The following ESPN variants were observed in gnomAD, a reference collection of about 807,000 sequenced individuals.
ESPN encodes the protein espin, also known as autosomal recessive deafness type 36 protein.
In ESPN, 68 loss-of-function variants were observed where a neutral mutation model predicts 77.7. The ratio of observed to expected loss-of-function variants is 0.87; its 90% CI spans 0.72 to 1.07. ESPN has a LOEUF of 1.07. Ranked by LOEUF, ESPN falls within the 50% of genes least tolerant of loss-of-function variation. The pLI is 0.00. For synonymous variants in ESPN, 449 were observed against 567.1 expected, an observed-to-expected ratio of 0.79 and a Z score of 2.96; for missense variants, 1,060 against 1,239.0, an observed-to-expected ratio of 0.86 and a Z score of 2.17.
chr1:6,436,059 A>G (rs1274583255), intron 2 of ESPN, among the ~76,000 whole-genome samples: 2 of 152,180 alleles, frequency 1.3e-5, no homozygotes, highest in African/African-American at 4.8e-5. Flanking sequence ...GCTGTGCCCC[A>G]GCAGCTGGCA....
intron 1 of ESPN, among the ~76,000 whole-genome samples, chr1:6,426,841 C>G (rs765089632): frequency 6.6e-6 from 1 of 152,086 alleles, no homozygotes; most frequent in Non-Finnish European, 1.5e-5. Flanking sequence ...CTCTGGCCCC[C>G]CCACTCCCAG....
At chr1:6,448,205 C>T (rs1227246197) in intron 7 of ESPN, 4 of 154,268 alleles carry the variant, frequency 2.6e-5, no homozygotes, top group Non-Finnish European at 4.3e-5. Flanking sequence ...TCCCTCCGGC[C>T]CCGGACCCCC....
At chr1:6,449,127 C>A in intron 8 of ESPN, 36 bp downstream of exon 8, 1 of 1,443,464 alleles carries the variant, frequency 6.9e-7, no homozygotes, top group Non-Finnish European at 9.1e-7. Context: ...TGGGGCGGCG[C>A]TAGCCCTGAA....
Position 6,460,369 on chromosome 1 carries a change from C to T in ESPN, c.*223C>T. On this transcript the variant is annotated 3_prime_UTR_variant, in exon 13 of 13. Transcript: ENST00000645284. ...CCAGAAAAAGTGCCCAAGCTGCTGA[C>T]GCAAACAACAACAAATGCTGCTTAT... 2 of 582,952 alleles carry T rather than the reference C, an allele frequency of 3.4e-6. No homozygotes were observed. Among genetic ancestry groups the T allele is most frequent in the South Asian group, 2.2e-5 (1 of 45,546 alleles). The allele number at this position is 582,952 out of a possible 1,614,324, so 36.1% of individuals were successfully genotyped here.
Position 6,427,136 on chromosome 1 carries a change from G to A in ESPN, c.295-1090G>A, listed in dbSNP as rs936415691. On this transcript the variant is annotated intron_variant, in intron 1 of 12. Transcript: ENST00000645284. The surrounding 1 kb of genome is among the most constrained non-coding windows in gnomAD (Gnocchi z 4.6). ...CAGCTCCTGCCGCCTCTGCCAGTCT[G>A]TAACCACAGTGCCCTCTCTCTGGGC... 6.6e-6 allele frequency among the ~76,000 whole-genome samples: 1 copy of A among 152,094 alleles called. No homozygotes were observed. Among genetic ancestry groups the A allele is most frequent in the Non-Finnish European group, 1.5e-5 (1 of 68,020 alleles).
Position 6,428,525 on chromosome 1 carries a change from C to T in ESPN, c.488+106C>T. 1.0e-6 allele frequency: 1 copy of T among 996,996 alleles called. No individual in the cohort carries two copies. Among genetic ancestry groups the T allele is most frequent in the South Asian group, 1.7e-5 (1 of 60,528 alleles). 61.8% of individuals were successfully genotyped at this position (996,996 alleles called of 1,614,324 possible). On this transcript the variant is annotated intron_variant, in intron 2 of 12. Transcript: ENST00000645284. This position sits in a 1 kb window ranked among gnomAD's most constrained non-coding sequence, Gnocchi z 5.4. ...CTGGCACTCCAGGGCAATGATCCCT[C>T]CAGTGGCCATCCTGGGGCCAGAGGG... is the stretch of plus-strand genomic sequence containing the variant.
At chr1:6,452,224 A>G in intron 10 of ESPN, 128 bp downstream of exon 10, 4 of 1,164,212 alleles carry the variant, frequency 3.4e-6, no homozygotes, top group Non-Finnish European at 3.5e-6. Context: ...TCTTTTCTTG[A>G]GACAGAGTCT....
In ESPN at chr1:6,450,348, T is replaced by TCTCCCTGGCCCG. The variant is rs1643923077; in HGVS notation, c.1916-1247_1916-1236dup. 3.7e-6 allele frequency: 1 copy of TCTCCCTGGCCCG among 270,222 alleles called. No homozygotes were observed. The highest frequency in any genetic ancestry group is 5.7e-6 in the Non-Finnish European group (1 of 176,044). 16.7% of individuals were successfully genotyped at this position (270,222 alleles called of 1,614,324 possible). On this transcript the variant is annotated intron_variant, in intron 8 of 12. Transcript: ENST00000645284. This position sits in a 1 kb window ranked among gnomAD's most constrained non-coding sequence, Gnocchi z 4.3. ...TCTTCTCCACTTCCCCCCCGCCCGC[T>TCTCCCTGGCCCG]CTCCCTGGCCCGCTCCCTGTCCCCT...
At chr1:6,457,477 C>T in intron 12 of ESPN, 105 bp downstream of exon 12, 1 of 1,383,536 alleles carries the variant, frequency 7.2e-7, no homozygotes, top group East Asian at 2.3e-5. Flanking sequence ...TGTCTCTTGG[C>T]CCTTGTAGCA....
chr1:6,441,997 A>C (rs1305868944), intron 5 of ESPN, among the ~76,000 whole-genome samples: 1 of 152,218 alleles, frequency 6.6e-6, no homozygotes, highest in Middle Eastern at 3.2e-3. Flanking sequence ...TGAATGGCCC[A>C]GCAGGTAGTG....
At chr1:6,454,507 G>T in intron 10 of ESPN, 1 of 399,004 alleles carries the variant, frequency 2.5e-6, no homozygotes, top group Non-Finnish European at 4.4e-6. Context: ...GCCATCCTCG[G>T]GCCCTTTGGC....
chr1:6,455,707 G>T, intron 10 of ESPN: 1 of 399,098 alleles, frequency 2.5e-6, no homozygotes. Flanking sequence ...CGCAAGTTCC[G>T]CCACCTACTG....
intron 12 of ESPN, 91 bp from the exon 13 acceptor site, chr1:6,459,908 C>T: frequency 1.3e-6 from 2 of 1,542,854 alleles, no homozygotes; most frequent in East Asian, 2.3e-5. Context: ...GGTGACCTGG[C>T]CTCTGCCTGG....
At chr1:6,433,021 C>T (rs1347508288) in intron 2 of ESPN, among the ~76,000 whole-genome samples, 2 of 152,070 alleles carry the variant, frequency 1.3e-5, no homozygotes, top group Non-Finnish European at 2.9e-5. Flanking sequence ...ACTCGGGAGG[C>T]TGAGGCAGGA....
intron 8 of ESPN, among the ~76,000 whole-genome samples, chr1:6,449,705 G>A (rs561530276): frequency 6.6e-6 from 1 of 152,324 alleles, no homozygotes; most frequent in Non-Finnish European, 1.5e-5. Context: ...GACCCACCGT[G>A]TTTCCCCCTC....
chr1:6,440,366 G>A lies in ESPN; in HGVS notation c.601G>A (p.Ala201Thr). ...LVQECGADPH[A>T]RAHDGMTPLH... ...GCAGGAATGCGGCGCAGACCCGCAC[G>A]CGCGCGCCCACGACGGCATGACCCC... is the stretch of plus-strand genomic sequence containing the variant. Residue 201 changes from alanine to threonine, a missense_variant, in exon 3 of 13, where the codon GCG (alanine) becomes ACG (threonine). This residue lies in a region of ESPN where 556 missense variants were observed against 633.6 expected (regional missense o/e 0.88). Transcript: ENST00000645284. 1.3e-6 allele frequency: 2 copies of A among 1,587,106 alleles called. No homozygotes were observed. Among genetic ancestry groups the A allele is most frequent in the Non-Finnish European group, 1.7e-6 (2 of 1,167,520 alleles).
intron 12 of ESPN, among the ~76,000 whole-genome samples, chr1:6,458,007 C>CGA (rs1163849454): frequency 1.7e-5 from 2 of 116,562 alleles, no homozygotes; most frequent in Non-Finnish European, 3.4e-5. Context: ...CCTCATTCTG[C>CGA]GAAAAAAAAA....
chr1:6,444,415 C>A, intron 5 of ESPN, 66 bp from the exon 6 acceptor site: 2 of 1,536,160 alleles, frequency 1.3e-6, no homozygotes, highest in Non-Finnish European at 1.8e-6. Flanking sequence ...TGAGTAGGAC[C>A]CTGGCCTGGA....
rs148975469 is a variant in ESPN, at chr1:6,457,357, C to T, written c.2406-4C>T. 1.4e-4 allele frequency: 219 copies of T among 1,614,178 alleles called. No homozygotes were observed. Among genetic ancestry groups the T allele is most frequent in the Non-Finnish European group, 1.7e-4 (203 of 1,180,022 alleles). ...CAAGTGACACTGTCTCTTTTTCCTT[C>T]CAGGGAGCAGAAGCGGTGAGTGCAG... On this transcript the variant is annotated splice_polypyrimidine_tract_variant and splice_region_variant and intron_variant, in intron 11 of 12. Coordinates refer to ENST00000645284, the MANE Select transcript of ESPN (RefSeq NM_031475.3).
Sources: allele counts gnomAD v4.1 joint callset (sites outside exome capture counted in the v4.1 genomes callset), GRCh38; gene constraint gnomAD v4.1.1; regional missense constraint gnomAD v4.1.1; non-coding constraint Gnocchi (gnomAD v3.1); transcripts MANE v1.5; gene names NCBI Gene and HGNC (gene_info 2026-07-23, HGNC 2026-07-21).